MEMO1: variants seen among roughly 807,000 people sequenced by gnomAD.
MEMO1 encodes mediator of cell motility 1.
In MEMO1, 6 loss-of-function variants were observed where a neutral mutation model predicts 45.2. The ratio of observed to expected loss-of-function variants is 0.13; its 90% CI spans 0.07 to 0.26. MEMO1 has a LOEUF of 0.26. Among genes scored for constraint, MEMO1 ranks in the 10% least tolerant of loss-of-function variants. MEMO1 has a pLI of 1.00. For synonymous variants in MEMO1, 78 were observed against 124.3 expected, an observed-to-expected ratio of 0.63 and a Z score of 2.48; for missense variants, 184 against 370.5, an observed-to-expected ratio of 0.50 and a Z score of 4.13.
intron 2 of MEMO1, among the ~76,000 whole-genome samples, chr2:31,994,973 AGAGGAAGG>A (rs964933843): frequency 3.2e-5 from 4 of 124,816 alleles, no homozygotes; most frequent in South Asian, 3.0e-4. Context: ...AAAGAGGGAG[AGAGGAAGG>A]GAGGAAGGGA....
At chr2:31,891,517 A>C (rs1463880931) in intron 7 of MEMO1, among the ~76,000 whole-genome samples, 1 of 152,114 alleles carries the variant, frequency 6.6e-6, no homozygotes, top group Non-Finnish European at 1.5e-5. Flanking sequence ...GGTAGCTTTA[A>C]ACTGATGGCA....
intron 2 of MEMO1, among the ~76,000 whole-genome samples, chr2:32,005,018 C>T (rs923398786): frequency 3.3e-5 from 5 of 151,402 alleles, no homozygotes; most frequent in African/African-American, 1.2e-4. Context: ...TATACATTGA[C>T]CAAAAAAAGG....
intron 2 of MEMO1, among the ~76,000 whole-genome samples, chr2:31,958,932 T>C (rs1178329657): frequency 6.6e-6 from 1 of 152,230 alleles, no homozygotes; most frequent in Non-Finnish European, 1.5e-5. Context: ...ATTACAGGCA[T>C]GAGCCACGTG....
In MEMO1 at chr2:31,869,872, T is replaced by C. The variant is rs762593083; in HGVS notation, c.738A>G (p.Arg246=). ...CATTTAATAACACCCCAATGGGATG[T>C]CTTCCACATATAGTATTATGGTATT... ...LKKYHNTICG[R]HPIGVLLNAI... is the part of the protein sequence containing the mutation. Residue 246 remains arginine (R), a synonymous_variant, in exon 9 of 10, where the codon AGA becomes AGG. Transcript: ENST00000404530. 1 of 1,587,210 alleles carries C rather than the reference T, an allele frequency of 6.3e-7. No homozygotes were observed. The highest frequency in any genetic ancestry group is 1.2e-5 in the South Asian group (1 of 85,064).
intron 6 of MEMO1, among the ~76,000 whole-genome samples, chr2:31,893,038 C>T (rs975931621): frequency 2.0e-5 from 3 of 151,942 alleles, no homozygotes; most frequent in Non-Finnish European, 1.5e-5. Flanking sequence ...CTGATTTGTT[C>T]TCAACAGGAC....
chr2:32,002,316 CACAT>C (rs1673497090), intron 2 of MEMO1, among the ~76,000 whole-genome samples: 1 of 146,264 alleles, frequency 6.8e-6, no homozygotes, highest in African/African-American at 2.6e-5. Context: ...TATATACATA[CACAT>C]ATATACATAT....
chr2:32,006,687 C>T (rs1474070787), intron 2 of MEMO1, among the ~76,000 whole-genome samples: 1 of 151,716 alleles, frequency 6.6e-6, no homozygotes, highest in East Asian at 1.9e-4. Context: ...TGAGAATGGG[C>T]TGGGTGTGGT....
intron 3 of MEMO1, among the ~76,000 whole-genome samples, chr2:31,939,033 C>T (rs1229830581): frequency 6.6e-6 from 1 of 151,638 alleles, no homozygotes; most frequent in Non-Finnish European, 1.5e-5. Context: ...ATCTTCCCAC[C>T]TCAGGCTCCG....
At chr2:31,918,374 C>T (rs111826557) in intron 5 of MEMO1, among the ~76,000 whole-genome samples, 1 of 152,110 alleles carries the variant, frequency 6.6e-6, no homozygotes, top group African/African-American at 2.4e-5. Flanking sequence ...TCTAAAATCA[C>T]CTTCGGGTCT....
chr2:31,997,917 TAAGAC>T (rs954253631), intron 2 of MEMO1, among the ~76,000 whole-genome samples: 7 of 152,222 alleles, frequency 4.6e-5, no homozygotes, highest in African/African-American at 1.7e-4. Flanking sequence ...AGGAAATGGC[TAAGAC>T]GAGAATGGCT....
In MEMO1 at chr2:31,886,411, C is replaced by T. The variant is rs537197507; in HGVS notation, c.581-2949G>A. ...TAGCCTATATGTATGTGTGTATTTA[C>T]GTATGTCTGCATACACACACACAAC... On this transcript the variant is annotated intron_variant, in intron 7 of 9. Coordinates refer to ENST00000404530, the MANE Select transcript of MEMO1 (RefSeq NM_001301833.4). 3.0e-4 allele frequency among the ~76,000 whole-genome samples: 46 copies of T among 152,180 alleles called. 1 individual carries two copies. Among genetic ancestry groups the T allele is most frequent in the South Asian group, 6.2e-4 (3 of 4,828 alleles).
intron 2 of MEMO1, among the ~76,000 whole-genome samples, chr2:31,959,951 G>T (rs867535681): frequency 1.3e-5 from 2 of 152,196 alleles, no homozygotes; most frequent in Admixed American, 1.3e-4. Flanking sequence ...GCCTGGTGTG[G>T]TGGTTCATGC....
intron 3 of MEMO1, 80 bp downstream of exon 3, chr2:31,943,222 G>A: frequency 9.8e-7 from 1 of 1,022,766 alleles, no homozygotes; most frequent in African/African-American, 1.6e-5. Context: ...CCGAGACCAT[G>A]CCACTGTACT....
Position 31,933,340 on chromosome 2 carries a change from A to T in MEMO1, c.144-1205T>A, listed in dbSNP as rs1470732690. ...TTTAAAAAAAAAAAAAAAAAAAAAA[A>T]AAAAAAAAATTTATATATATATATA... On this transcript the variant is annotated intron_variant, in intron 3 of 9. Coordinates refer to ENST00000404530, the MANE Select transcript of MEMO1 (RefSeq NM_001301833.4). Among the ~76,000 whole-genome samples, 219 of 57,450 alleles carry T rather than the reference A, an allele frequency of 3.8e-3. 5 individuals are homozygous for T. Among genetic ancestry groups the T allele is most frequent in the African/African-American group, 0.016 (213 of 13,110 alleles). 37.7% of individuals were successfully genotyped at this position (57,450 alleles called of 152,430 possible).
intron 2 of MEMO1, among the ~76,000 whole-genome samples, chr2:31,973,522 G>A (rs1371238707): frequency 2.0e-5 from 3 of 152,046 alleles, no homozygotes; most frequent in Non-Finnish European, 2.9e-5. Context: ...AAATACTGAT[G>A]GCAGCACTAT....
chr2:31,918,758 A>G (rs1275388928), intron 5 of MEMO1, among the ~76,000 whole-genome samples: 1 of 152,200 alleles, frequency 6.6e-6, no homozygotes, highest in Non-Finnish European at 1.5e-5. Flanking sequence ...AAAAATATGT[A>G]TAAGAATATT....
intron 2 of MEMO1, among the ~76,000 whole-genome samples, chr2:31,966,741 A>C (rs915730443): frequency 1.3e-5 from 2 of 151,702 alleles, no homozygotes; most frequent in African/African-American, 4.8e-5. Flanking sequence ...TCAAAAAAAA[A>C]AAATGAAAAA....
At chr2:31,908,941 A>G (rs933928947) in intron 6 of MEMO1, among the ~76,000 whole-genome samples, 1 of 152,180 alleles carries the variant, frequency 6.6e-6, no homozygotes, top group African/African-American at 2.4e-5. Context: ...AGGCTCACCA[A>G]AAGAATTACA....
At chr2:31,984,253 AC>A (rs1201249641) in intron 2 of MEMO1, among the ~76,000 whole-genome samples, 3 of 152,166 alleles carry the variant, frequency 2.0e-5, no homozygotes, top group African/African-American at 7.2e-5. Context: ...ATTTAATGTA[AC>A]CCCAATATAT....
Sources: gnomAD v4.1 joint callset for allele counts (sites outside exome capture counted in the v4.1 genomes callset) on GRCh38, gnomAD v4.1.1 for gene constraint, MANE v1.5 for transcripts, NCBI Gene and HGNC (gene_info 2026-07-23, HGNC 2026-07-21) for gene names.